The following PDZRN4 variants were observed in gnomAD, a reference collection of about 807,000 sequenced individuals.
PDZRN4 encodes the protein PDZ domain-containing RING finger protein 4.
A neutral mutation model predicts 99.0 loss-of-function variants in PDZRN4; 70 were observed. That is an observed-to-expected ratio of 0.71 (90% CI 0.58 to 0.86). PDZRN4 has a LOEUF of 0.86. PDZRN4 is among the 40% of genes least tolerant of loss of function. The pLI is 0.00. For missense variants in PDZRN4, 1,474 were observed against 1,331.2 expected (o/e 1.11, Z -1.67); for synonymous variants, 551 against 501.6 (o/e 1.10, Z -1.32).
intron 3 of PDZRN4, among the ~76,000 whole-genome samples, chr12:41,330,538 C>A (rs73270902): frequency 0.027 from 3,994 of 149,932 alleles, 183 homozygotes; most frequent in African/African-American, 0.087. Context: ...CCTAATAGTA[C>A]CTATTCCATA....
At chr12:41,497,052 G>A (rs539324274) in intron 3 of PDZRN4, among the ~76,000 whole-genome samples, 13 of 152,102 alleles carry the variant, frequency 8.5e-5, no homozygotes, top group South Asian at 6.2e-4. Flanking sequence ...AATTTATTTC[G>A]TTTATTTAAC....
chr12:41,404,716 C>T (rs1048204950), intron 3 of PDZRN4, among the ~76,000 whole-genome samples: 53 of 149,644 alleles, frequency 3.5e-4, no homozygotes, highest in African/African-American at 1.3e-3. Flanking sequence ...AAGCTGGAGG[C>T]ATCACACTAC....
chr12:41,470,817 A>T (rs1952981842), intron 3 of PDZRN4, among the ~76,000 whole-genome samples: 2 of 151,976 alleles, frequency 1.3e-5, no homozygotes, highest in South Asian at 4.2e-4. Flanking sequence ...GCCAAAACCC[A>T]CACAATGGGG....
intron 9 of PDZRN4, among the ~76,000 whole-genome samples, chr12:41,571,648 G>T (rs917329077): frequency 2.6e-5 from 4 of 152,108 alleles, no homozygotes; most frequent in Non-Finnish European, 5.9e-5. Flanking sequence ...GATTTAGAGT[G>T]CACTGAGGTC....
intron 3 of PDZRN4, among the ~76,000 whole-genome samples, chr12:41,416,169 T>A (rs1952443703): frequency 6.6e-6 from 1 of 152,238 alleles, no homozygotes; most frequent in South Asian, 2.1e-4. Flanking sequence ...TGAGCAAGTG[T>A]ACAAAATTTA....
intron 3 of PDZRN4, among the ~76,000 whole-genome samples, chr12:41,490,837 A>G (rs903290097): frequency 6.6e-6 from 1 of 152,130 alleles, no homozygotes; most frequent in Non-Finnish European, 1.5e-5. Flanking sequence ...ATTTCAAGAA[A>G]TTCCCATCTT....
intron 3 of PDZRN4, among the ~76,000 whole-genome samples, chr12:41,361,468 A>G (rs1271178068): frequency 6.6e-6 from 1 of 152,026 alleles, no homozygotes. Flanking sequence ...TTAGCAATAA[A>G]ATTTGGCTTT....
chr12:41,274,228 A>T (rs1439486743), intron 3 of PDZRN4, among the ~76,000 whole-genome samples: 1 of 152,164 alleles, frequency 6.6e-6, no homozygotes, highest in East Asian at 1.9e-4. Context: ...TTTTAAAAAA[A>T]CAGAACAGAA....
intron 9 of PDZRN4, among the ~76,000 whole-genome samples, chr12:41,571,681 T>C (rs1281292265): frequency 3.3e-5 from 5 of 152,152 alleles, no homozygotes; most frequent in Non-Finnish European, 7.4e-5. Flanking sequence ...TTCAGGAATA[T>C]GGCATCCTGG....
intron 3 of PDZRN4, among the ~76,000 whole-genome samples, chr12:41,328,958 T>G (rs544137246): frequency 2.6e-5 from 4 of 152,150 alleles, no homozygotes. Context: ...AGTTCACTAA[T>G]GCCTTTTGTA....
intron 3 of PDZRN4, among the ~76,000 whole-genome samples, chr12:41,471,542 T>A (rs1952990043): frequency 6.7e-6 from 1 of 149,200 alleles, no homozygotes; most frequent in Admixed American, 6.7e-5. Context: ...AATTTATTTA[T>A]ATAATTTCTA....
rs192171283 is a variant in PDZRN4, at chr12:41,544,169, C to G, written c.1204-8487C>G. 8.5e-5 allele frequency among the ~76,000 whole-genome samples: 13 copies of G among 152,264 alleles called. No individual in the cohort carries two copies. The East Asian group carries it at 2.5e-3, about 29-fold the overall frequency. On this transcript the variant is annotated intron_variant, in intron 5 of 9. Transcript: ENST00000402685. Reference sequence around the variant, plus strand: ...CATGTAGCAGGTGCTAGGAAAATGTCCAGTGAGTAAAGTGAATAAGTAAAA... The same window carrying G: ...CATGTAGCAGGTGCTAGGAAAATGTGCAGTGAGTAAAGTGAATAAGTAAAA...
chr12:41,454,878 T>C (rs1187670762), intron 3 of PDZRN4, among the ~76,000 whole-genome samples: 1 of 152,236 alleles, frequency 6.6e-6, no homozygotes, highest in Non-Finnish European at 1.5e-5. Context: ...GGAAATATTC[T>C]ATATTTGTTC....
chr12:41,195,949 A>G (rs935699927), intron 3 of PDZRN4, among the ~76,000 whole-genome samples: 5 of 152,188 alleles, frequency 3.3e-5, no homozygotes, highest in Admixed American at 3.3e-4. Context: ...ACACCCACAC[A>G]AACACATAGA....
At position 41,552,669 on chromosome 12, in the gene PDZRN4, G is replaced by A; in HGVS notation, c.1217G>A (p.Cys406Tyr). 1 of 1,613,544 alleles carries A rather than the reference G, an allele frequency of 6.2e-7. No homozygotes were observed. Among genetic ancestry groups the A allele is most frequent in the South Asian group, 1.1e-5 (1 of 91,064 alleles). ...EDFEYEEVEL[C>Y]RVSSQEKLGL... ...TTGTTCTTTCAGGAGGTCGAGTTGT[G>A]TCGTGTTAGCAGTCAAGAGAAGCTG... Residue 406 changes from cysteine (C) to tyrosine (Y), a missense_variant, in exon 6 of 10, where the codon TGT (cysteine) becomes TAT (tyrosine). Transcript: ENST00000402685.
chr12:41,271,683 A>C (rs1458746696), intron 3 of PDZRN4, among the ~76,000 whole-genome samples: 1 of 152,106 alleles, frequency 6.6e-6, no homozygotes, highest in East Asian at 1.9e-4. Flanking sequence ...CGGATTCTGC[A>C]CTCCACATGC....
At chr12:41,211,870 G>A (rs959454828) in intron 3 of PDZRN4, among the ~76,000 whole-genome samples, 1 of 151,962 alleles carries the variant, frequency 6.6e-6, no homozygotes, top group Admixed American at 6.6e-5. Context: ...GCATTCACCT[G>A]TAGATACTTA....
intron 3 of PDZRN4, among the ~76,000 whole-genome samples, chr12:41,340,347 T>G (rs1358420989): frequency 1.3e-5 from 2 of 152,120 alleles, no homozygotes; most frequent in East Asian, 3.9e-4. Flanking sequence ...ACTTCACATG[T>G]CCTCACTCAT....
chr12:41,370,508 T>C (rs186604937), intron 3 of PDZRN4, among the ~76,000 whole-genome samples: 109 of 152,146 alleles, frequency 7.2e-4, no homozygotes, highest in Non-Finnish European at 7.1e-4. Flanking sequence ...CACTTTGTCT[T>C]TGATGTCTTA....
Sources: gnomAD v4.1 joint callset for allele counts (sites outside exome capture counted in the v4.1 genomes callset) on GRCh38, gnomAD v4.1.1 for gene constraint, MANE v1.5 for transcripts, NCBI Gene and HGNC (gene_info 2026-07-23, HGNC 2026-07-21) for gene names.